LRP6: variants seen among roughly 807,000 people sequenced by gnomAD.
The protein encoded by LRP6 is LDL receptor related protein 6.
Under a neutral mutation model 184.1 loss-of-function variants are expected in LRP6, and 43 were observed. The ratio of observed to expected loss-of-function variants is 0.23; its 90% confidence interval spans 0.18 to 0.30. The LOEUF is 0.30. Among genes scored for constraint, LRP6 ranks in the 10% least tolerant of loss-of-function variants. The pLI, the probability that LRP6 is intolerant of heterozygous loss-of-function variation, is 1.00. For missense variants in LRP6, 1,571 were observed against 2,005.3 expected, an observed-to-expected ratio of 0.78 and a Z score of 4.14; for synonymous variants, 719 against 684.9, an observed-to-expected ratio of 1.05 and a Z score of -0.78.
At chr12:12,125,493 ATTTC>A in intron 20 of LRP6, 61 bp from the exon 21 acceptor site, 1 of 1,436,144 alleles carries the variant, frequency 7.0e-7, no homozygotes, top group Non-Finnish European at 9.7e-7. Context: ...GTATCAAGCA[ATTTC>A]ATTCAACAGT....
At chr12:12,228,200 C>T (rs1414601639) in intron 2 of LRP6, among the ~76,000 whole-genome samples, 1 of 151,644 alleles carries the variant, frequency 6.6e-6, no homozygotes, top group African/African-American at 2.4e-5. Flanking sequence ...GTGAAACCCC[C>T]GTTTCTACTA....
At chr12:12,132,117 C>T in intron 17 of LRP6, 60 bp from the exon 18 acceptor site, 1 of 1,003,420 alleles carries the variant, frequency 1.0e-6, no homozygotes, top group Non-Finnish European at 1.6e-6. Context: ...CACAGAAGTA[C>T]AAACACATAC....
chr12:12,125,245 A>G (rs1222349050), intron 21 of LRP6, 51 bp downstream of exon 21: 1 of 1,606,362 alleles, frequency 6.2e-7, no homozygotes, highest in East Asian at 2.2e-5. Flanking sequence ...AATGAGTTAA[A>G]AAATCTAAGA....
chr12:12,168,124 C>T (rs1023444863), intron 7 of LRP6, among the ~76,000 whole-genome samples: 11 of 152,156 alleles, frequency 7.2e-5, no homozygotes, highest in African/African-American at 2.7e-4. Context: ...ACTCACCTCC[C>T]CGCAAATCAA....
At chr12:12,126,953 T>G in intron 19 of LRP6, 32 bp from the exon 20 acceptor site, 29 of 1,542,508 alleles carry the variant, frequency 1.9e-5, no homozygotes, top group Non-Finnish European at 2.6e-5. Flanking sequence ...GGTTATTTAA[T>G]AGAAAAACAA....
chr12:12,232,515 T>C (rs1373808459), intron 2 of LRP6, among the ~76,000 whole-genome samples: 1 of 150,632 alleles, frequency 6.6e-6, no homozygotes, highest in African/African-American at 2.4e-5. Context: ...TCTCTGAAGA[T>C]CTGTTCACAG....
At chr12:12,183,926 C>G (rs1395479607) in intron 5 of LRP6, 54 bp downstream of exon 5, 1 of 1,534,750 alleles carries the variant, frequency 6.5e-7, no homozygotes, top group African/African-American at 1.4e-5. Context: ...GAAAACAAAT[C>G]ATGAAGAATT....
Position 12,164,325 on chromosome 12 carries a change from A to G in LRP6, c.2000T>C (p.Leu667Ser). The G allele has an allele frequency of 6.2e-7, 1 of 1,614,150 alleles. No homozygotes were observed. Among genetic ancestry groups the G allele is most frequent in the Non-Finnish European group, 8.5e-7 (1 of 1,180,014 alleles). The part of the protein sequence containing the change: ...PLTGVKEASA[L>S]DFDVTDNRIY... ...TCGGTTGTCTGTCACATCAAAATCCAAAGCAGAAGCTTCTTTGACACCAGT... is the reference window on the plus strand; with the variant it reads ...TCGGTTGTCTGTCACATCAAAATCCGAAGCAGAAGCTTCTTTGACACCAGT... The change falls in exon 9 of 23, where the codon TTG becomes TCG. Residue 667 changes from leucine to serine, a missense_variant. Physicochemically the swap from Leu to Ser is moderately radical, Grantham distance 145. This residue lies in a region of LRP6 where 640 missense variants were observed against 851.9 expected (regional missense o/e 0.75). Coordinates refer to ENST00000261349, the MANE Select transcript of LRP6 (RefSeq NM_002336.3).
chr12:12,169,990 T>G (rs1309558884), intron 7 of LRP6, among the ~76,000 whole-genome samples: 1 of 152,136 alleles, frequency 6.6e-6, no homozygotes, highest in Admixed American at 6.5e-5. Flanking sequence ...AAGCCACCAA[T>G]GTAGGCCGTA....
chr12:12,199,812 A>C (rs1863864804), intron 3 of LRP6, among the ~76,000 whole-genome samples: 1 of 151,764 alleles, frequency 6.6e-6, no homozygotes, highest in African/African-American at 2.4e-5. Context: ...AAAAATGTAA[A>C]AACTAGATGG....
At chr12:12,179,355 CAA>C in intron 7 of LRP6, among the ~76,000 whole-genome samples, 1 of 144,248 alleles carries the variant, frequency 6.9e-6, no homozygotes, top group African/African-American at 2.8e-5. Flanking sequence ...CAGTTAACAG[CAA>C]TAAAAGATAT....
chr12:12,265,576 C>A (rs867377605), intron 1 of LRP6, among the ~76,000 whole-genome samples: 12 of 152,252 alleles, frequency 7.9e-5, no homozygotes, highest in Middle Eastern at 3.4e-3. Flanking sequence ...CTCCAGCGAC[C>A]AGCGGTCACA....
In LRP6 at chr12:12,120,852, T is replaced by C. The variant is rs1949594997; in HGVS notation, c.*274A>G. 1 of 280,392 alleles carries C rather than the reference T, an allele frequency of 3.6e-6. No individual in the cohort carries two copies. The highest frequency in any genetic ancestry group is 6.7e-6 in the Non-Finnish European group (1 of 150,316). 17.4% of individuals were successfully genotyped at this position (280,392 alleles called of 1,614,324 possible). On this transcript the variant is annotated 3_prime_UTR_variant, in exon 23 of 23. Transcript: ENST00000261349. ...GCTTCACTGGGTTTAAGGCATGCTT[T>C]GTGTATTTAGTTTGCAAAAATAAAA...
chr12:12,236,676 C>T (rs1864939854), intron 2 of LRP6, among the ~76,000 whole-genome samples: 2 of 152,202 alleles, frequency 1.3e-5, no homozygotes, highest in South Asian at 4.1e-4. Flanking sequence ...TCCCACAATC[C>T]CCTCCTCAGG....
chr12:12,165,764 T>A (rs566970784), intron 7 of LRP6, among the ~76,000 whole-genome samples: 3 of 152,320 alleles, frequency 2.0e-5, no homozygotes, highest in East Asian at 3.9e-4. Context: ...GATGTCTTTT[T>A]CAGGACTTTT....
chr12:12,180,268 T>C (rs538098434), intron 6 of LRP6, among the ~76,000 whole-genome samples: 38 of 151,530 alleles, frequency 2.5e-4, no homozygotes, highest in African/African-American at 9.2e-4. Flanking sequence ...TTTAAATATT[T>C]TGTGTGCCCT....
rs761810652 is a variant in LRP6 at position 12,203,271 on chromosome 12, T to C, written c.579A>G (p.Glu193=). 5.6e-6 allele frequency: 9 copies of C among 1,613,964 alleles called. No individual in the cohort carries two copies. The Middle Eastern group carries it at 9.9e-4, about 177-fold the overall frequency. ...WPNGLTLDYE[E]QKLYWADAKL... is the part of the protein sequence containing the mutation. ...TTGCATCTGCCCAATAAAGCTTTTG[T>C]TCTTCATAATCCAAAGTCAGTCCAT... The change falls in exon 3 of 23, where the codon GAA becomes GAG. Residue 193 remains glutamate (E), a synonymous_variant. Transcript: ENST00000261349.
chr12:12,131,318 C>A (rs550474155), intron 18 of LRP6, among the ~76,000 whole-genome samples: 21 of 151,896 alleles, frequency 1.4e-4, no homozygotes, highest in Admixed American at 1.1e-3. Context: ...CCGTGTTAGC[C>A]AGGATGGTCT....
intron 13 of LRP6, among the ~76,000 whole-genome samples, chr12:12,150,336 T>C (rs764725555): frequency 2.6e-5 from 4 of 152,210 alleles, no homozygotes; most frequent in African/African-American, 7.2e-5. Flanking sequence ...CCTACTGAGA[T>C]TGTGTTATAT....
Sources: allele counts gnomAD v4.1 joint callset (sites outside exome capture counted in the v4.1 genomes callset), GRCh38; gene constraint gnomAD v4.1.1; regional missense constraint gnomAD v4.1.1; transcripts MANE v1.5; gene names NCBI Gene and HGNC (gene_info 2026-07-23, HGNC 2026-07-21).